The following GALM variants were observed in gnomAD, a reference collection of about 807,000 sequenced individuals.
GALM encodes the protein aldose 1-epimerase.
Under a neutral mutation model 37.4 loss-of-function variants are expected in GALM, and 43 were observed. The observed-to-expected ratio is 1.15, with a 90% confidence interval of 0.90 to 1.48. The LOEUF is 1.48. Among genes scored for constraint, GALM ranks in the 40% most tolerant of loss-of-function variants. GALM has a pLI of 0.00. For missense variants in GALM, 456 were observed against 419.1 expected (o/e 1.09, Z -0.77); for synonymous variants, 199 against 170.6 (o/e 1.17, Z -1.30).
At chr2:38,690,946 A>G (rs1665659461) in intron 4 of GALM, among the ~76,000 whole-genome samples, 1 of 152,230 alleles carries the variant, frequency 6.6e-6, no homozygotes, top group Admixed American at 6.5e-5. Context: ...CAGTTTTTGA[A>G]TATTTTCCTG....
rs576105468 is a variant in GALM, at chr2:38,683,271, G to C, written c.552+1785G>C. ...GGGACTTGGAGTGACGGGTATTTCTGAATCTCTTTTCAGAGGCTGAATAGT... is the reference window on the plus strand; with the variant it reads ...GGGACTTGGAGTGACGGGTATTTCTCAATCTCTTTTCAGAGGCTGAATAGT... On this transcript the variant is annotated intron_variant, in intron 3 of 6. Transcript: ENST00000272252. Among the ~76,000 whole-genome samples the C allele has an allele frequency of 3.9e-5, 6 of 152,180 alleles. No homozygotes were observed. The East Asian group carries it at 1.2e-3, about 29-fold the overall frequency.
At chr2:38,674,317 G>C (rs1369773768) in intron 1 of GALM, among the ~76,000 whole-genome samples, 2 of 151,472 alleles carry the variant, frequency 1.3e-5, no homozygotes, top group Admixed American at 1.3e-4. Context: ...AGCCTCCCAA[G>C]TAGCTGGGAC....
intron 4 of GALM, among the ~76,000 whole-genome samples, chr2:38,724,404 A>C (rs995113947): frequency 3.3e-5 from 5 of 152,224 alleles, no homozygotes; most frequent in African/African-American, 7.2e-5. Context: ...ACAAGAAGAA[A>C]TTATGTTAGA....
At chr2:38,723,940 G>A (rs1234762375) in intron 4 of GALM, among the ~76,000 whole-genome samples, 1 of 152,090 alleles carries the variant, frequency 6.6e-6, no homozygotes, top group Non-Finnish European at 1.5e-5. Flanking sequence ...CTTTTTTTGA[G>A]ACTCAGTCTC....
In GALM at chr2:38,687,947, C is replaced by A. The variant is rs1313239865; in HGVS notation, c.553-1866C>A. ...AACCAGTCGGCCGGGCACAGTGCCT[C>A]ACACCTGTAATCCCAGCACTTTGGG... On this transcript the variant is annotated intron_variant, in intron 3 of 6. Transcript: ENST00000272252. Among the ~76,000 whole-genome samples the A allele has an allele frequency of 2.6e-5, 4 of 152,138 alleles. 1 individual carries two copies. Among genetic ancestry groups the A allele is most frequent in the Admixed American group, 2.6e-4 (4 of 15,278 alleles).
intron 4 of GALM, among the ~76,000 whole-genome samples, chr2:38,692,903 C>G (rs1665711932): frequency 6.6e-6 from 1 of 152,118 alleles, no homozygotes; most frequent in South Asian, 2.1e-4. Flanking sequence ...GCAGGACTAG[C>G]CCAGGGAAGT....
chr2:38,694,900 AAAAAAAAAAAAAC>A (rs1665766765), intron 4 of GALM, among the ~76,000 whole-genome samples: 2 of 150,676 alleles, frequency 1.3e-5, no homozygotes, highest in Non-Finnish European at 3.0e-5. Flanking sequence ...CCGTCTCAAA[AAAAAAAAAAAAAC>A]AAAAAAAGAA....
intron 4 of GALM, among the ~76,000 whole-genome samples, chr2:38,710,537 T>C (rs1164077712): frequency 1.3e-5 from 2 of 152,156 alleles, no homozygotes; most frequent in Non-Finnish European, 2.9e-5. Context: ...AAGTATTTTA[T>C]TCAGGCAAAA....
chr2:38,719,400 T>A lies in GALM; in HGVS notation c.635-10156T>A, dbSNP rs139781402. 3.6e-3 allele frequency among the ~76,000 whole-genome samples: 523 copies of A among 146,818 alleles called. 8 individuals carry two copies. Among genetic ancestry groups the A allele is most frequent in the African/African-American group, 0.013 (508 of 39,432 alleles). Reference sequence around the variant, plus strand: ...CAAATAATTGCTTGAACCTGGGAGGTGGAGGTTGCAGTGGGCCGAGATCAC... The same window carrying A: ...CAAATAATTGCTTGAACCTGGGAGGAGGAGGTTGCAGTGGGCCGAGATCAC... On this transcript the variant is annotated intron_variant, in intron 4 of 6. Transcript: ENST00000272252.
chr2:38,682,418 A>G (rs1665419854), intron 3 of GALM: 7 of 257,392 alleles, frequency 2.7e-5, no homozygotes, highest in South Asian at 2.6e-4. Context: ...TCAGCTAGTA[A>G]TATCTCACCT....
At chr2:38,731,707 G>A in intron 5 of GALM, 28 bp from the exon 6 acceptor site, 1 of 1,598,312 alleles carries the variant, frequency 6.3e-7, no homozygotes. Context: ...TTCTGCCCTG[G>A]ACTCATGTTG....
At chr2:38,681,205 G>C (rs1665385419) in intron 2 of GALM, 75 bp from the exon 3 acceptor site, 1 of 1,122,974 alleles carries the variant, frequency 8.9e-7, no homozygotes, top group African/African-American at 1.5e-5. Context: ...GAAATCAGTT[G>C]TCTTTAAATA....
In GALM at chr2:38,733,706, C is replaced by T. The variant is rs1166239027; in HGVS notation, c.*141C>T. 1.4e-6 allele frequency: 1 copy of T among 703,764 alleles called. No homozygotes were observed. The highest frequency in any genetic ancestry group is 1.8e-5 in the African/African-American group (1 of 56,478). The allele number at this position is 703,764 out of a possible 1,614,324, so 43.6% of individuals were successfully genotyped here. ...AATGGTGGCTGTTCTGAGAATCAGT[C>T]TGGGTATTGATTTCCTTTTCCAGTG... is the stretch of plus-strand genomic sequence containing the variant. On this transcript the variant is annotated 3_prime_UTR_variant, in exon 7 of 7. Coordinates refer to ENST00000272252, the MANE Select transcript of GALM (RefSeq NM_138801.3).
At position 38,731,718 on chromosome 2, in the gene GALM, T is replaced by C. The variant is rs1427439818; in HGVS notation, c.777-17T>C. 6.2e-7 allele frequency: 1 copy of C among 1,608,586 alleles called. No individual in the cohort carries two copies. Among genetic ancestry groups the C allele is most frequent in the Non-Finnish European group, 8.5e-7 (1 of 1,175,784 alleles). ...GCTTTTCTGCCCTGGACTCATGTTG[T>C]TTGTATTTCTTACCAGGGTGCATCA... On this transcript the variant is annotated splice_polypyrimidine_tract_variant and intron_variant, in intron 5 of 6. Coordinates refer to ENST00000272252, the MANE Select transcript of GALM (RefSeq NM_138801.3).
chr2:38,686,609 C>G (rs2148433435), intron 3 of GALM, among the ~76,000 whole-genome samples: 1 of 152,154 alleles, frequency 6.6e-6, no homozygotes, highest in Non-Finnish European at 1.5e-5. Context: ...TAGTAAAACA[C>G]TGGAAGCAAC....
chr2:38,705,067 T>A (rs1666010964), intron 4 of GALM, among the ~76,000 whole-genome samples: 2 of 152,206 alleles, frequency 1.3e-5, no homozygotes, highest in Admixed American at 1.3e-4. Context: ...CGATGTGTAA[T>A]TCCTGTGAAA....
intron 4 of GALM, among the ~76,000 whole-genome samples, chr2:38,710,920 A>G (rs982199157): frequency 6.7e-6 from 1 of 150,148 alleles, no homozygotes; most frequent in Non-Finnish European, 1.5e-5. Flanking sequence ...CACCCAGCAA[A>G]TTTTTGTATT....
chr2:38,670,106 CACCT>C (rs1665054477), intron 1 of GALM, among the ~76,000 whole-genome samples: 1 of 151,860 alleles, frequency 6.6e-6, no homozygotes, highest in South Asian at 2.1e-4. Flanking sequence ...TCAAGTGATC[CACCT>C]ACCTCAGCCT....
intron 4 of GALM, among the ~76,000 whole-genome samples, chr2:38,706,558 T>C (rs1666039703): frequency 6.7e-6 from 1 of 148,456 alleles, no homozygotes; most frequent in Admixed American, 6.7e-5. Flanking sequence ...CCCACACCTG[T>C]AGTCTCAGCT....
Sources: gnomAD v4.1 joint callset for allele counts (sites outside exome capture counted in the v4.1 genomes callset) on GRCh38, gnomAD v4.1.1 for gene constraint, MANE v1.5 for transcripts, NCBI Gene and HGNC (gene_info 2026-07-23, HGNC 2026-07-21) for gene names.